ENOX1: variants seen among roughly 807,000 people sequenced by gnomAD.
The protein encoded by ENOX1 is candidate growth-related and time keeping constitutive hydroquinone (NADH) oxidase.
Under a neutral mutation model 82.5 loss-of-function variants are expected in ENOX1, and 42 were observed. That is an observed-to-expected ratio of 0.51 (90% CI 0.40 to 0.66). ENOX1 has a LOEUF of 0.66. Ranked by LOEUF, ENOX1 falls within the 30% of genes least tolerant of loss-of-function variation. The probability of loss-of-function intolerance (pLI) is 0.00; values close to 1 mark genes in which losing one functional copy is unlikely to be tolerated. For missense variants in ENOX1, 608 were observed against 811.6 expected (o/e 0.75, Z 3.05); for synonymous variants, 271 against 282.2 (o/e 0.96, Z 0.40).
At chr13:43,658,031 G>A (rs1166561455) in intron 2 of ENOX1, among the ~76,000 whole-genome samples, 1 of 152,114 alleles carries the variant, frequency 6.6e-6, no homozygotes, top group Non-Finnish European at 1.5e-5. Context: ...CACTACTTGT[G>A]TAGTATCTCA....
chr13:43,645,931 A>G (rs1157572707), intron 2 of ENOX1, among the ~76,000 whole-genome samples: 1 of 152,200 alleles, frequency 6.6e-6, no homozygotes, highest in Non-Finnish European at 1.5e-5. Context: ...GAGGATAAAG[A>G]TTATGTCTTC....
chr13:43,425,998 AGAT>A (rs2055277421), intron 3 of ENOX1, among the ~76,000 whole-genome samples: 1 of 152,210 alleles, frequency 6.6e-6, no homozygotes, highest in Non-Finnish European at 1.5e-5. Context: ...ACTAAACATC[AGAT>A]GTGAACACAC....
At chr13:43,634,005 T>C in intron 2 of ENOX1, among the ~76,000 whole-genome samples, 1 of 137,876 alleles carries the variant, frequency 7.3e-6, no homozygotes, top group South Asian at 2.1e-4. Context: ...CTACTTACTA[T>C]TAATATCACC....
At chr13:43,450,465 T>C (rs1017978055) in intron 3 of ENOX1, among the ~76,000 whole-genome samples, 8 of 152,148 alleles carry the variant, frequency 5.3e-5, no homozygotes, top group Non-Finnish European at 7.3e-5. Context: ...AGAGCAGGCA[T>C]GCCAGACCAC....
At chr13:43,661,978 C>T (rs78620929) in intron 2 of ENOX1, among the ~76,000 whole-genome samples, 17,977 of 127,582 alleles carry the variant, frequency 0.14, 1,389 homozygotes, top group South Asian at 0.35. Context: ...TGTTCTTCTG[C>T]AAGAACAACA....
At position 43,411,796 on chromosome 13, in the gene ENOX1, GC is replaced by G; in HGVS notation, c.208+119del. 3 of 1,271,668 alleles carry G rather than the reference GC, an allele frequency of 2.4e-6. No homozygotes were observed. The South Asian group carries it at 4.6e-5, about 20-fold the overall frequency. The allele number at this position is 1,271,668 out of a possible 1,614,324, so 78.8% of individuals were successfully genotyped here. A position where few individuals can be genotyped will look rare whatever the true frequency, so the allele number is the denominator to read the frequency against. On this transcript the variant is annotated intron_variant, in intron 5 of 16. Transcript: ENST00000690772. ...ATCTCAAGTACAACTTGCCAAACAT[GC>G]CCCAGTCATAAATAAAAGACTGTGT...
At chr13:43,703,351 C>A (rs1401209783) in intron 1 of ENOX1, among the ~76,000 whole-genome samples, 1 of 152,142 alleles carries the variant, frequency 6.6e-6, no homozygotes, top group Admixed American at 6.5e-5. Context: ...TCTAGATTTT[C>A]TCCCCCTTAT....
intron 2 of ENOX1, among the ~76,000 whole-genome samples, chr13:43,569,477 C>G (rs1436784368): frequency 6.6e-6 from 1 of 152,114 alleles, no homozygotes; most frequent in East Asian, 1.9e-4. Context: ...GCTCAGAGAC[C>G]TATGTTCTCT....
In ENOX1 at chr13:43,301,295, G is replaced by A. The variant is rs148932121; in HGVS notation, c.1262-2765C>T. ...TCCAAATGAATTGCATAGTCTGCAAGATATGCTGAAATCTGTATAGCAAAA... is the reference window on the plus strand; with the variant it reads ...TCCAAATGAATTGCATAGTCTGCAAAATATGCTGAAATCTGTATAGCAAAA... On this transcript the variant is annotated intron_variant, in intron 11 of 16. Coordinates refer to ENST00000690772, the MANE Select transcript of ENOX1 (RefSeq NM_001347969.2). 2.8e-4 allele frequency among the ~76,000 whole-genome samples: 43 copies of A among 152,308 alleles called. 1 individual carries two copies. The East Asian group carries it at 7.1e-3, about 25-fold the overall frequency.
intron 14 of ENOX1, among the ~76,000 whole-genome samples, chr13:43,245,657 G>C (rs1161933580): frequency 6.6e-6 from 1 of 152,126 alleles, no homozygotes. Flanking sequence ...CCATCCCGAG[G>C]GTCGTGGGCT....
chr13:43,310,004 C>T (rs2047099659), intron 11 of ENOX1, among the ~76,000 whole-genome samples: 1 of 151,878 alleles, frequency 6.6e-6, no homozygotes, highest in Non-Finnish European at 1.5e-5. Flanking sequence ...GAGATCGAGA[C>T]CATCCTGGCT....
At chr13:43,606,628 C>G (rs73184116) in intron 2 of ENOX1, among the ~76,000 whole-genome samples, 2 of 151,840 alleles carry the variant, frequency 1.3e-5, no homozygotes, top group African/African-American at 4.8e-5. Flanking sequence ...GAGAGTAGAA[C>G]AATGATCACC....
intron 9 of ENOX1, among the ~76,000 whole-genome samples, chr13:43,334,550 G>T (rs2048590486): frequency 6.6e-6 from 1 of 152,148 alleles, no homozygotes; most frequent in Admixed American, 6.5e-5. Context: ...GGGTGCCAAG[G>T]GAGGCCAAGA....
chr13:43,743,003 G>A (rs1159333695), intron 1 of ENOX1, among the ~76,000 whole-genome samples: 3 of 152,100 alleles, frequency 2.0e-5, no homozygotes, highest in Non-Finnish European at 4.4e-5. Context: ...TGAGTCCATA[G>A]GGCACATAGA....
intron 14 of ENOX1, among the ~76,000 whole-genome samples, chr13:43,239,167 T>C (rs1455497899): frequency 6.6e-6 from 1 of 152,164 alleles, no homozygotes; most frequent in African/African-American, 2.4e-5. Flanking sequence ...TGTGGAAGTA[T>C]TTCTTGAGAT....
chr13:43,618,317 C>A lies in ENOX1; in HGVS notation c.-219+49162G>T, dbSNP rs143224668. On this transcript the variant is annotated intron_variant, in intron 2 of 16. Transcript: ENST00000690772. Reference sequence around the variant, plus strand: ...TGAGTTTTGGTCATGAAATCCTTGCCTAAACCAATGTCTAGAAGGGTTTTT... The same window carrying A: ...TGAGTTTTGGTCATGAAATCCTTGCATAAACCAATGTCTAGAAGGGTTTTT... Among the ~76,000 whole-genome samples, 13 of 152,256 alleles carry A rather than the reference C, an allele frequency of 8.5e-5. No individual in the cohort carries two copies. In the East Asian group the frequency reaches 2.3e-3, roughly 27 times the overall value.
chr13:43,717,629 T>A (rs2088239928), intron 1 of ENOX1, among the ~76,000 whole-genome samples: 1 of 152,086 alleles, frequency 6.6e-6, no homozygotes, highest in Non-Finnish European at 1.5e-5. Context: ...GAGAAAATAT[T>A]CACAAACTGT....
At chr13:43,470,650 T>C (rs1055758445) in intron 3 of ENOX1, among the ~76,000 whole-genome samples, 5 of 151,374 alleles carry the variant, frequency 3.3e-5, no homozygotes, top group Admixed American at 1.3e-4. Context: ...CTCATACATA[T>C]AAAGAACTTC....
intron 2 of ENOX1, among the ~76,000 whole-genome samples, chr13:43,509,751 T>C (rs1464752956): frequency 6.6e-6 from 1 of 152,078 alleles, no homozygotes; most frequent in Non-Finnish European, 1.5e-5. Context: ...TCCAATGTCA[T>C]TTGACACAGG....
Sources: gnomAD v4.1 joint callset for allele counts (sites outside exome capture counted in the v4.1 genomes callset) on GRCh38, gnomAD v4.1.1 for gene constraint, MANE v1.5 for transcripts, NCBI Gene and HGNC (gene_info 2026-07-23, HGNC 2026-07-21) for gene names.